The following STXBP5L variants were observed in gnomAD, a reference collection of about 807,000 sequenced individuals.
The protein encoded by STXBP5L is syntaxin binding protein 5L.
Under a neutral mutation model 144.5 loss-of-function variants are expected in STXBP5L, and 65 were observed. That is an observed-to-expected ratio of 0.45 (90% confidence interval 0.37 to 0.55). STXBP5L has a LOEUF of 0.55. Ranked by LOEUF, STXBP5L falls within the 20% of genes least tolerant of loss-of-function variation. The pLI is 0.00. For missense variants in STXBP5L, 1,298 were observed against 1,405.5 expected (o/e 0.92, Z 1.22); for synonymous variants, 505 against 469.6 (o/e 1.08, Z -0.97).
intron 3 of STXBP5L, among the ~76,000 whole-genome samples, chr3:121,019,731 C>T (rs1238382443): frequency 1.3e-5 from 2 of 152,162 alleles, no homozygotes; most frequent in Non-Finnish European, 2.9e-5. Flanking sequence ...TGGAGAGCAC[C>T]ACATTAAGGG....
At chr3:121,078,823 C>T (rs527319021) in intron 5 of STXBP5L, among the ~76,000 whole-genome samples, 7 of 152,382 alleles carry the variant, frequency 4.6e-5, no homozygotes, top group Non-Finnish European at 8.8e-5. Context: ...TGCCTGGGTC[C>T]GGCAGGGCTG....
chr3:121,342,861 C>G (rs1050591757), intron 20 of STXBP5L, among the ~76,000 whole-genome samples: 1 of 149,184 alleles, frequency 6.7e-6, no homozygotes, highest in South Asian at 2.2e-4. Context: ...GGTACATACC[C>G]AGTAATGGGA....
intron 19 of STXBP5L, among the ~76,000 whole-genome samples, chr3:121,296,841 A>C (rs2051671658): frequency 6.6e-6 from 1 of 152,206 alleles, no homozygotes; most frequent in Admixed American, 6.5e-5. Flanking sequence ...TCTGCCACTA[A>C]ACCCTCACCA....
At chr3:121,228,216 G>A (rs983032777) in intron 11 of STXBP5L, among the ~76,000 whole-genome samples, 1 of 152,182 alleles carries the variant, frequency 6.6e-6, no homozygotes, top group South Asian at 2.1e-4. Flanking sequence ...GTTTTCTGAA[G>A]TAGTCAAAAC....
intron 3 of STXBP5L, among the ~76,000 whole-genome samples, chr3:120,995,956 A>T (rs1369209105): frequency 6.6e-6 from 1 of 152,024 alleles, no homozygotes; most frequent in Non-Finnish European, 1.5e-5. Context: ...GAATCAAATT[A>T]TCTTAGTTTT....
At chr3:121,277,843 G>A (rs892800248) in intron 18 of STXBP5L, among the ~76,000 whole-genome samples, 1 of 152,000 alleles carries the variant, frequency 6.6e-6, no homozygotes, top group African/African-American at 2.4e-5. Context: ...CCATGTATTA[G>A]GAGAGCTCTG....
At chr3:121,311,740 G>T (rs909939916) in intron 19 of STXBP5L, among the ~76,000 whole-genome samples, 7 of 152,098 alleles carry the variant, frequency 4.6e-5, no homozygotes, top group Admixed American at 1.3e-4. Flanking sequence ...GTAGGAAGAA[G>T]CAATATCGTG....
intron 20 of STXBP5L, among the ~76,000 whole-genome samples, chr3:121,377,305 G>A (rs1313666280): frequency 6.6e-6 from 1 of 152,128 alleles, no homozygotes; most frequent in East Asian, 1.9e-4. Context: ...AACACCAAAA[G>A]CAATTGCAAC....
At chr3:121,193,417 T>A (rs1283277741) in intron 9 of STXBP5L, among the ~76,000 whole-genome samples, 1 of 146,148 alleles carries the variant, frequency 6.8e-6, no homozygotes, top group African/African-American at 2.5e-5. Flanking sequence ...AGTGTGGTGA[T>A]TCCTCATGGA....
intron 9 of STXBP5L, among the ~76,000 whole-genome samples, chr3:121,188,864 C>A (rs554505565): frequency 6.6e-6 from 1 of 152,290 alleles, no homozygotes; most frequent in Non-Finnish European, 1.5e-5. Flanking sequence ...ACTGAATGGG[C>A]AAAAACTGGA....
At chr3:121,055,045 G>T (rs1038634009) in intron 5 of STXBP5L, among the ~76,000 whole-genome samples, 1 of 152,040 alleles carries the variant, frequency 6.6e-6, no homozygotes, top group Non-Finnish European at 1.5e-5. Context: ...TAGATTAATT[G>T]GTAGAAACAT....
At chr3:120,919,599 C>A (rs934941155) in intron 2 of STXBP5L, among the ~76,000 whole-genome samples, 2 of 151,954 alleles carry the variant, frequency 1.3e-5, no homozygotes, top group Non-Finnish European at 2.9e-5. Context: ...AACCAAAACT[C>A]CTTTGCTGTT....
At chr3:121,271,156 T>C (rs908289774) in intron 18 of STXBP5L, among the ~76,000 whole-genome samples, 2 of 152,208 alleles carry the variant, frequency 1.3e-5, no homozygotes, top group Non-Finnish European at 2.9e-5. Context: ...ATTCTACTAT[T>C]AAGAGACCAT....
Position 120,979,518 on chromosome 3 carries a change from AC to A in STXBP5L, c.287+24484del, listed in dbSNP as rs368685359. On this transcript the variant is annotated intron_variant, in intron 3 of 26. Transcript: ENST00000471454. ...TGCTTCCCGAGTGAAGCAATGCCTC[AC>A]CCTGCTTTGGCTCACGCACAGTGCA... is the stretch of plus-strand genomic sequence containing the variant. Among the ~76,000 whole-genome samples the A allele has an allele frequency of 2.5e-3, 378 of 152,034 alleles. 2 individuals carry two copies. Among genetic ancestry groups the A allele is most frequent in the African/African-American group, 8.6e-3 (355 of 41,442 alleles).
At chr3:121,156,971 T>G (rs2046137088) in intron 8 of STXBP5L, among the ~76,000 whole-genome samples, 1 of 152,038 alleles carries the variant, frequency 6.6e-6, no homozygotes, top group African/African-American at 2.4e-5. Flanking sequence ...GGGATGGCTG[T>G]AATTACTTTT....
intron 5 of STXBP5L, among the ~76,000 whole-genome samples, chr3:121,061,781 G>T (rs963042252): frequency 5.9e-5 from 9 of 152,110 alleles, no homozygotes; most frequent in African/African-American, 2.2e-4. Flanking sequence ...TCAGAGACAG[G>T]GATTGCAACC....
At chr3:121,241,877 A>G (rs1030297795) in intron 14 of STXBP5L, among the ~76,000 whole-genome samples, 1 of 152,182 alleles carries the variant, frequency 6.6e-6, no homozygotes, top group Non-Finnish European at 1.5e-5. Context: ...AAGAAAAAAA[A>G]TCTGGAAAGC....
intron 20 of STXBP5L, among the ~76,000 whole-genome samples, chr3:121,340,072 C>T (rs998681121): frequency 3.9e-5 from 6 of 152,046 alleles, no homozygotes; most frequent in South Asian, 2.1e-4. Flanking sequence ...TCATATGGAA[C>T]CAAAAAAGAG....
At chr3:121,402,091 T>G (rs997743359) in intron 22 of STXBP5L, among the ~76,000 whole-genome samples, 3 of 152,168 alleles carry the variant, frequency 2.0e-5, no homozygotes, top group African/African-American at 7.2e-5. Flanking sequence ...GCCCACAAAT[T>G]GTGTAGCTGA....
Sources: allele counts gnomAD v4.1 joint callset (sites outside exome capture counted in the v4.1 genomes callset), GRCh38; gene constraint gnomAD v4.1.1; transcripts MANE v1.5; gene names NCBI Gene and HGNC (gene_info 2026-07-23, HGNC 2026-07-21).